The following ABCC11 variants were observed in gnomAD, a reference collection of about 807,000 sequenced individuals.
The protein encoded by ABCC11 is ATP binding cassette subfamily C member 11.
ABCC11 carries 135 observed loss-of-function variants against 149.3 expected under a neutral mutation model. The observed-to-expected ratio is 0.90, with a 90% CI of 0.79 to 1.04. ABCC11 has a LOEUF of 1.04. ABCC11 is among the 50% of genes least tolerant of loss of function. ABCC11 has a pLI of 0.00. For synonymous variants in ABCC11, 665 were observed against 671.4 expected, an observed-to-expected ratio of 0.99 and a Z score of 0.15; for missense variants, 1,680 against 1,722.1, an observed-to-expected ratio of 0.98 and a Z score of 0.43.
At chr16:48,218,132 A>T (rs1219704181) in intron 6 of ABCC11, among the ~76,000 whole-genome samples, 1 of 151,936 alleles carries the variant, frequency 6.6e-6, no homozygotes, top group African/African-American at 2.4e-5. Flanking sequence ...CCCCATCTCT[A>T]AAAAAAATTA....
chr16:48,169,966 T>C (rs111579130), intron 28 of ABCC11, 139 bp downstream of exon 28: 16 of 621,170 alleles, frequency 2.6e-5, no homozygotes, highest in Admixed American at 5.6e-5. Context: ...GCTGTTGTTG[T>C]TGTTGTTGTT....
At chr16:48,225,522 AC>A (rs1446688297) in intron 4 of ABCC11, among the ~76,000 whole-genome samples, 5 of 152,124 alleles carry the variant, frequency 3.3e-5, no homozygotes, top group African/African-American at 9.7e-5. Flanking sequence ...GTGTTGTCTA[AC>A]ATAATTGTTG....
intron 5 of ABCC11, among the ~76,000 whole-genome samples, chr16:48,223,135 T>C (rs1969856432): frequency 6.6e-6 from 1 of 152,124 alleles, no homozygotes; most frequent in Non-Finnish European, 1.5e-5. Flanking sequence ...AGACAGAATA[T>C]AGGAAATCCA....
intron 1 of ABCC11, among the ~76,000 whole-genome samples, chr16:48,242,832 T>A (rs1971048422): frequency 6.6e-6 from 1 of 151,320 alleles, no homozygotes. Flanking sequence ...CACTCATAGG[T>A]GGCAACTGAA....
chr16:48,207,129 A>G (rs1968514948), intron 12 of ABCC11, among the ~76,000 whole-genome samples: 1 of 152,166 alleles, frequency 6.6e-6, no homozygotes, highest in Non-Finnish European at 1.5e-5. Flanking sequence ...AAAGCCGAAG[A>G]AAGGAAGGAA....
At chr16:48,229,558 G>T (rs541327224) in intron 3 of ABCC11, among the ~76,000 whole-genome samples, 1 of 140,910 alleles carries the variant, frequency 7.1e-6, no homozygotes, top group South Asian at 2.2e-4. Flanking sequence ...TCCGCTTCCC[G>T]GGTTCACACC....
chr16:48,171,023 C>A (rs2150713892), intron 26 of ABCC11, 56 bp from the exon 27 acceptor site: 1 of 1,388,834 alleles, frequency 7.2e-7, no homozygotes, highest in South Asian at 1.2e-5. Flanking sequence ...TTTGAACACT[C>A]ATTTATATGC....
At chr16:48,212,590 T>C (rs1037076725) in intron 10 of ABCC11, among the ~76,000 whole-genome samples, 6 of 152,228 alleles carry the variant, frequency 3.9e-5, no homozygotes, top group African/African-American at 1.4e-4. Flanking sequence ...TGGCTCTTCA[T>C]GTGATCTGAT....
chr16:48,181,965 C>G (rs1966462874), intron 23 of ABCC11, among the ~76,000 whole-genome samples: 1 of 152,180 alleles, frequency 6.6e-6, no homozygotes, highest in African/African-American at 2.4e-5. Context: ...GTGGTGAGCA[C>G]TGAATGCCTG....
At position 48,222,664 on chromosome 16, in the gene ABCC11, AGCTGCTCGGAACCTGATG is replaced by A; in HGVS notation, c.693_710del (p.Ile232_Ala237del). On this transcript the variant is annotated inframe_deletion, in exon 6 of 30. Transcript: ENST00000356608. ...GCTTCTCAAAGGCAAAGGAGGAAAC[AGCTGCTCGGAACCTGATG>A]GCTGTGCGTTGGTTGATGATCCAAC... The A allele has an allele frequency of 6.2e-7, 1 of 1,614,240 alleles. No individual in the cohort carries two copies. Among genetic ancestry groups the A allele is most frequent in the Non-Finnish European group, 8.5e-7 (1 of 1,180,050 alleles).
intron 7 of ABCC11, 116 bp downstream of exon 7, chr16:48,215,998 C>A (rs1258807851): frequency 3.4e-6 from 4 of 1,162,340 alleles, no homozygotes; most frequent in South Asian, 1.4e-5. Context: ...GAATCTTAAC[C>A]ACAATGGATT....
chr16:48,216,931 C>A (rs28503414), intron 6 of ABCC11, among the ~76,000 whole-genome samples: 21,655 of 152,076 alleles, frequency 0.14, 2,011 homozygotes, highest in African/African-American at 0.27. Flanking sequence ...AAGGGCTTTT[C>A]AGACCTCCCC....
intron 23 of ABCC11, among the ~76,000 whole-genome samples, chr16:48,178,899 C>A (rs1312533408): frequency 6.6e-6 from 1 of 152,176 alleles, no homozygotes; most frequent in Non-Finnish European, 1.5e-5. Flanking sequence ...GGGGGAGAAC[C>A]TCCCCAGACA....
At chr16:48,214,086 G>A (rs1161127327) in intron 9 of ABCC11, among the ~76,000 whole-genome samples, 2 of 151,988 alleles carry the variant, frequency 1.3e-5, no homozygotes, top group Non-Finnish European at 2.9e-5. Flanking sequence ...TGCCCTCCTG[G>A]AGGTGCCGAA....
chr16:48,232,129 G>A (rs1209794473), intron 1 of ABCC11, 190 bp from the exon 2 acceptor site: 1 of 1,311,464 alleles, frequency 7.6e-7, no homozygotes, highest in African/African-American at 1.5e-5. Context: ...ATCTTCTCAG[G>A]CCTCAGGCCC....
Position 48,224,395 on chromosome 16 carries a change from G to A in ABCC11, c.430C>T (p.Arg144Ter), listed in dbSNP as rs543285690. The A allele has an allele frequency of 2.3e-5, 37 of 1,614,040 alleles. No homozygotes were observed. Among genetic ancestry groups the A allele is most frequent in the African/African-American group, 1.5e-4 (11 of 74,996 alleles). ...HRLWEEEVSR[R>*]GIEKASVLLV... ...AGCACTGAAGCTTTTTCAATCCCTCGCCTTGAGACTTCTTCTTCCCAAAGG... is the reference window on the plus strand; with the variant it reads ...AGCACTGAAGCTTTTTCAATCCCTCACCTTGAGACTTCTTCTTCCCAAAGG... Residue 144 changes from arginine (R) to a stop codon, truncating the protein, a stop_gained, in exon 5 of 30, where the codon CGA (arginine) becomes TGA (stop). Transcript: ENST00000356608. LOFTEE classifies it high-confidence loss of function.
At position 48,216,222 on chromosome 16, in the gene ABCC11, T is replaced by C. The variant is rs767336197; in HGVS notation, c.843A>G (p.Val281=). 5 of 1,614,102 alleles carry C rather than the reference T, an allele frequency of 3.1e-6. No homozygotes were observed. In the South Asian group the frequency reaches 4.4e-5, roughly 14 times the overall value. Residue 281 remains valine (V), a synonymous_variant, in exon 7 of 30, where the codon GTA becomes GTG. Coordinates refer to ENST00000356608, the MANE Select transcript of ABCC11 (RefSeq NM_001370497.1). ...LFEGVCYGPL[V]LITCASLVIC... is the part of the protein sequence containing the mutation. ...TGACCAGCGATGCGCAGGTGATCAG[T>C]ACTAGGGGTCCATAGCACACCCCTT...
intron 1 of ABCC11, chr16:48,244,649 G>A: frequency 7.5e-7 from 1 of 1,326,512 alleles, no homozygotes; most frequent in Non-Finnish European, 9.6e-7. Context: ...CGCGGCGGCG[G>A]CGGGCGGCGC....
At chr16:48,221,278 A>T (rs1238890203) in intron 6 of ABCC11, among the ~76,000 whole-genome samples, 1 of 152,216 alleles carries the variant, frequency 6.6e-6, no homozygotes, top group Non-Finnish European at 1.5e-5. Context: ...AAATTAAAGT[A>T]TCTGTTTCAA....
Sources: gnomAD v4.1 joint callset for allele counts (sites outside exome capture counted in the v4.1 genomes callset) on GRCh38, gnomAD v4.1.1 for gene constraint, MANE v1.5 for transcripts, NCBI Gene and HGNC (gene_info 2026-07-23, HGNC 2026-07-21) for gene names.